VTI1B: variants seen among roughly 807,000 people sequenced by gnomAD.
VTI1B encodes vesicle transport through interaction with t-SNAREs 1B, also known as vesicle transport through interaction with t-SNAREs homolog 1B.
In VTI1B, 18 loss-of-function variants were observed where a neutral mutation model predicts 28.6. The ratio of observed to expected loss-of-function variants is 0.63; its 90% CI spans 0.43 to 0.93. The LOEUF (loss-of-function observed/expected upper bound fraction) is 0.93. Ranked by LOEUF, VTI1B falls within the 40% of genes least tolerant of loss-of-function variation. VTI1B has a pLI of 0.00. For missense variants in VTI1B, 283 were observed against 297.0 expected (o/e 0.95, Z 0.35); for synonymous variants, 100 against 107.9 (o/e 0.93, Z 0.46).
chr14:67,663,203 A>C (rs2037361149), intron 1 of VTI1B: 1 of 1,504,638 alleles, frequency 6.6e-7, no homozygotes, highest in Non-Finnish European at 8.9e-7. Flanking sequence ...TTGAACAAAA[A>C]TAGAACAGGC....
At position 67,674,608 on chromosome 14, in the gene VTI1B, C is replaced by T. The variant is rs982395883; in HGVS notation, c.-119G>A. On this transcript the variant is annotated 5_prime_UTR_variant, in exon 1 of 6. Transcript: ENST00000554659. ...CGGCGACCGCCGCACCACCGCCGCC[C>T]AGGACGAGGCTCTTCCGGAGCCGCG... 8 of 723,260 alleles carry T rather than the reference C, an allele frequency of 1.1e-5. No individual in the cohort carries two copies. The East Asian group carries it at 2.6e-4, about 24-fold the overall frequency. 44.8% of individuals were successfully genotyped at this position (723,260 alleles called of 1,614,324 possible).
At position 67,648,115 on chromosome 14, in the gene VTI1B, GA is replaced by G; in HGVS notation, c.*3269del. On this transcript the variant is annotated 3_prime_UTR_variant, in exon 6 of 6. Coordinates refer to ENST00000554659, the MANE Select transcript of VTI1B (RefSeq NM_006370.3). ...GACCCTACACTGGCTCCAGCCACAG[GA>G]ACTCCTGTTGTCGGGGGACTAACCT... 2 of 1,614,010 alleles carry G rather than the reference GA, an allele frequency of 1.2e-6. No individual in the cohort carries two copies. The highest frequency in any genetic ancestry group is 1.7e-6 in the Non-Finnish European group (2 of 1,179,918).
chr14:67,663,508 C>A (rs2037364754), intron 1 of VTI1B, among the ~76,000 whole-genome samples: 1 of 151,842 alleles, frequency 6.6e-6, no homozygotes, highest in African/African-American at 2.4e-5. Flanking sequence ...CCCATCTCTA[C>A]TAAAAAATAC....
chr14:67,669,780 T>C (rs1371621051), intron 1 of VTI1B, among the ~76,000 whole-genome samples: 4 of 152,126 alleles, frequency 2.6e-5, no homozygotes, highest in Non-Finnish European at 5.9e-5. Flanking sequence ...CTCATATCCA[T>C]TGAGGCTGGT....
At chr14:67,672,812 CCAT>C (rs1229326419) in intron 1 of VTI1B, among the ~76,000 whole-genome samples, 1 of 152,140 alleles carries the variant, frequency 6.6e-6, no homozygotes, top group East Asian at 1.9e-4. Flanking sequence ...TAACTGCATC[CCAT>C]CATATTTAGA....
intron 3 of VTI1B, among the ~76,000 whole-genome samples, chr14:67,658,728 G>A (rs1040122444): frequency 3.9e-5 from 6 of 152,220 alleles, no homozygotes; most frequent in Non-Finnish European, 8.8e-5. Flanking sequence ...CTGCCTGCCT[G>A]TTTCCAGTCT....
intron 1 of VTI1B, among the ~76,000 whole-genome samples, chr14:67,674,027 G>GACT (rs1389960194): frequency 6.6e-6 from 1 of 152,150 alleles, no homozygotes; most frequent in Non-Finnish European, 1.5e-5. Context: ...CCTGTCTTGA[G>GACT]ACTAGTGCTT....
intron 1 of VTI1B, among the ~76,000 whole-genome samples, chr14:67,665,784 C>T (rs1056518953): frequency 6.6e-6 from 1 of 152,074 alleles, no homozygotes; most frequent in African/African-American, 2.4e-5. Context: ...TGTGTGCCAC[C>T]CCCTTAATAT....
chr14:67,650,758 G>T lies in VTI1B; in HGVS notation c.*627C>A. On this transcript the variant is annotated 3_prime_UTR_variant, in exon 6 of 6. Transcript: ENST00000554659. Reference sequence around the variant, plus strand: ...ATCTTGTTGAAGTCAATCCTCAGTTGGCCACCTCAGAGGAAGAGGCGAAGA... The same window carrying T: ...ATCTTGTTGAAGTCAATCCTCAGTTTGCCACCTCAGAGGAAGAGGCGAAGA... The T allele has an allele frequency of 6.2e-7, 1 of 1,614,096 alleles. No individual in the cohort carries two copies. The highest frequency in any genetic ancestry group is 8.5e-7 in the Non-Finnish European group (1 of 1,180,004).
intron 3 of VTI1B, among the ~76,000 whole-genome samples, chr14:67,659,320 T>C (rs1032303072): frequency 1.3e-5 from 2 of 152,182 alleles, no homozygotes; most frequent in African/African-American, 4.8e-5. Flanking sequence ...ATTAGAAACC[T>C]AACTGAATTT....
chr14:67,661,488 C>T (rs1396705770), intron 2 of VTI1B, among the ~76,000 whole-genome samples: 1 of 148,704 alleles, frequency 6.7e-6, no homozygotes, highest in African/African-American at 2.5e-5. Flanking sequence ...TACCTCTAAA[C>T]TACATTTTCT....
intron 4 of VTI1B, among the ~76,000 whole-genome samples, chr14:67,656,098 T>C (rs2037252263): frequency 6.6e-6 from 1 of 151,762 alleles, no homozygotes; most frequent in South Asian, 2.1e-4. Context: ...ATACAAACAT[T>C]AGCTAGGCAT....
chr14:67,656,649 T>C (rs3742880), intron 3 of VTI1B, 60 bp from the exon 4 acceptor site: 211,802 of 1,523,490 alleles, frequency 0.14, 15,401 homozygotes, highest in East Asian at 0.2. Context: ...ATTGCCAGCA[T>C]ATTCCTCATC....
intron 1 of VTI1B, among the ~76,000 whole-genome samples, chr14:67,665,767 T>G (rs2037394574): frequency 6.6e-6 from 1 of 152,180 alleles, no homozygotes; most frequent in South Asian, 2.1e-4. Context: ...TATGTCTCAT[T>G]CATTGTTGTG....
At chr14:67,656,341 C>T in intron 4 of VTI1B, 75 bp downstream of exon 4, 3 of 1,404,262 alleles carry the variant, frequency 2.1e-6, no homozygotes, top group Non-Finnish European at 1.9e-6. Context: ...AGCTTTTGGC[C>T]TTAGTACGGT....
At chr14:67,664,851 A>C (rs534599319) in intron 1 of VTI1B, among the ~76,000 whole-genome samples, 1 of 150,670 alleles carries the variant, frequency 6.6e-6, no homozygotes, top group Admixed American at 6.6e-5. Flanking sequence ...TGATTTGTCT[A>C]CTCTGATTTT....
intron 1 of VTI1B, among the ~76,000 whole-genome samples, chr14:67,673,858 C>G (rs2037499514): frequency 6.6e-6 from 1 of 152,096 alleles, no homozygotes; most frequent in Non-Finnish European, 1.5e-5. Flanking sequence ...TAAAAACGTT[C>G]AAAACAAGAC....
At chr14:67,659,983 T>C in intron 2 of VTI1B, 61 bp from the exon 3 acceptor site, 7 of 1,523,650 alleles carry the variant, frequency 4.6e-6, no homozygotes, top group Non-Finnish European at 6.3e-6. Context: ...TTTGGAAATA[T>C]GCCTAGTTTG....
In VTI1B at chr14:67,650,886, A is replaced by G. The variant is rs926430133; in HGVS notation, c.*499T>C. ...CAACTTCCTACTCCCAGTTCACCAG[A>G]TGAATCAGAAAATCAAGCACGTGTG... On this transcript the variant is annotated 3_prime_UTR_variant, in exon 6 of 6. Coordinates refer to ENST00000554659, the MANE Select transcript of VTI1B (RefSeq NM_006370.3). The G allele has an allele frequency of 1.2e-6, 2 of 1,614,024 alleles. No individual in the cohort carries two copies. The highest frequency in any genetic ancestry group is 2.7e-5 in the African/African-American group (2 of 74,946).
Sources: allele counts gnomAD v4.1 joint callset (sites outside exome capture counted in the v4.1 genomes callset), GRCh38; gene constraint gnomAD v4.1.1; transcripts MANE v1.5; gene names NCBI Gene and HGNC (gene_info 2026-07-23, HGNC 2026-07-21).